CSMD1: variants seen among roughly 807,000 people sequenced by gnomAD.
The protein encoded by CSMD1 is CUB and Sushi multiple domains 1.
Under a neutral mutation model 417.5 loss-of-function variants are expected in CSMD1, and 213 were observed. That is an observed-to-expected ratio of 0.51 (90% CI 0.46 to 0.57). The LOEUF (loss-of-function observed/expected upper bound fraction) is 0.57, where lower values mean the gene tolerates loss of function less well. Among genes scored for constraint, CSMD1 ranks in the 20% least tolerant of loss-of-function variants. The probability of loss-of-function intolerance (pLI) is 0.00; values close to 1 mark genes in which losing one functional copy is unlikely to be tolerated. For synonymous variants in CSMD1, 2,862 were observed against 1,736.8 expected, an observed-to-expected ratio of 1.65 and a Z score of -16.11; for missense variants, 6,923 against 4,529.7, an observed-to-expected ratio of 1.53 and a Z score of -15.17.
chr8:4,073,267 C>A (rs1036234164), intron 3 of CSMD1, among the ~76,000 whole-genome samples: 39 of 151,812 alleles, frequency 2.6e-4, no homozygotes, highest in African/African-American at 9.2e-4. Context: ...AAAAATAGGC[C>A]AAAATTAGAG....
intron 5 of CSMD1, among the ~76,000 whole-genome samples, chr8:3,796,822 A>T (rs1287056478): frequency 6.6e-6 from 1 of 151,482 alleles, no homozygotes; most frequent in African/African-American, 2.4e-5. Context: ...TCAACATAAG[A>T]GATAAGCTTA....
At chr8:4,065,494 C>A (rs1044368478) in intron 3 of CSMD1, among the ~76,000 whole-genome samples, 1 of 152,162 alleles carries the variant, frequency 6.6e-6, no homozygotes, top group African/African-American at 2.4e-5. Flanking sequence ...ATACAAAGGT[C>A]ATGACACTGA....
chr8:3,141,844 C>T (rs1035496581), intron 41 of CSMD1, among the ~76,000 whole-genome samples: 1 of 150,128 alleles, frequency 6.7e-6, no homozygotes, highest in South Asian at 2.1e-4. Flanking sequence ...GTCGCCCAGG[C>T]TGGAGTGCAG....
chr8:3,137,822 A>C lies in CSMD1; in HGVS notation c.6241+4643T>G, dbSNP rs550975727. Among the ~76,000 whole-genome samples the C allele has an allele frequency of 1.7e-4, 26 of 152,346 alleles. 1 individual carries two copies. In the South Asian group the frequency reaches 5.2e-3, roughly 30 times the overall value. ...ATTCTGATCTCTAGTGCTTGAATCCACACATGCAGAACTCATGGATGCAGA... is the reference window on the plus strand; with the variant it reads ...ATTCTGATCTCTAGTGCTTGAATCCCCACATGCAGAACTCATGGATGCAGA... On this transcript the variant is annotated intron_variant, in intron 41 of 69. Transcript: ENST00000635120.
At chr8:3,142,855 T>A (rs1014473511) in intron 40 of CSMD1, among the ~76,000 whole-genome samples, 181 bp from the exon 41 acceptor site, 1 of 152,230 alleles carries the variant, frequency 6.6e-6, no homozygotes, top group African/African-American at 2.4e-5. Context: ...ATCTTACCTC[T>A]GCCACTTTTT....
intron 2 of CSMD1, among the ~76,000 whole-genome samples, chr8:4,578,542 T>C (rs1799249579): frequency 6.6e-6 from 1 of 151,460 alleles, no homozygotes; most frequent in Non-Finnish European, 1.5e-5. Flanking sequence ...TTTGGCTGGG[T>C]GCAATGCTTC....
chr8:3,032,061 A>G (rs1810377469), intron 50 of CSMD1, among the ~76,000 whole-genome samples: 1 of 151,696 alleles, frequency 6.6e-6, no homozygotes, highest in African/African-American at 2.4e-5. Flanking sequence ...CCACAACAAA[A>G]GAAAGAGAGG....
intron 3 of CSMD1, among the ~76,000 whole-genome samples, chr8:4,234,060 C>G (rs1801900328): frequency 6.6e-6 from 1 of 152,114 alleles, no homozygotes; most frequent in Non-Finnish European, 1.5e-5. Context: ...ACAGATAAGT[C>G]AACCATTAAC....
chr8:3,595,208 A>T (rs1801035168), intron 8 of CSMD1, among the ~76,000 whole-genome samples: 1 of 152,178 alleles, frequency 6.6e-6, no homozygotes, highest in African/African-American at 2.4e-5. Flanking sequence ...AAGCAAGACC[A>T]GGAAGGCTGG....
intron 2 of CSMD1, among the ~76,000 whole-genome samples, chr8:4,569,260 G>C (rs1204648068): frequency 6.6e-6 from 1 of 152,056 alleles, no homozygotes; most frequent in Non-Finnish European, 1.5e-5. Flanking sequence ...TTTCTTCTAG[G>C]GTTTTTATGG....
chr8:3,786,277 T>G (rs928943091), intron 5 of CSMD1, among the ~76,000 whole-genome samples: 2 of 151,986 alleles, frequency 1.3e-5, no homozygotes, highest in East Asian at 3.9e-4. Context: ...TACATGGGCA[T>G]GGAGGTTAGA....
At chr8:4,395,410 A>C (rs539641111) in intron 3 of CSMD1, among the ~76,000 whole-genome samples, 2 of 151,390 alleles carry the variant, frequency 1.3e-5, no homozygotes, top group Admixed American at 1.3e-4. Context: ...CAGAAGCGCT[A>C]AAGAATCATA....
intron 26 of CSMD1, among the ~76,000 whole-genome samples, chr8:3,263,005 G>C (rs191029132): frequency 1.1e-4 from 16 of 152,230 alleles, no homozygotes; most frequent in African/African-American, 3.4e-4. Flanking sequence ...TATTAAGCTA[G>C]GCAATAAATC....
At chr8:4,740,563 C>G (rs1162240573) in intron 1 of CSMD1, among the ~76,000 whole-genome samples, 2 of 152,196 alleles carry the variant, frequency 1.3e-5, no homozygotes, top group East Asian at 3.9e-4. Context: ...TATTTTAAAT[C>G]ATTTTTTATT....
At chr8:4,362,962 C>G (rs936138866) in intron 3 of CSMD1, among the ~76,000 whole-genome samples, 3 of 152,080 alleles carry the variant, frequency 2.0e-5, no homozygotes, top group Non-Finnish European at 4.4e-5. Flanking sequence ...AGCCAAATAT[C>G]TAAAAACTGC....
chr8:3,213,076 G>A (rs372685601), intron 30 of CSMD1, among the ~76,000 whole-genome samples: 13 of 151,638 alleles, frequency 8.6e-5, no homozygotes, highest in African/African-American at 1.2e-4. Context: ...ATCCACCCAC[G>A]TCAGCCTCCC....
chr8:3,008,849 C>T (rs1349778718), intron 52 of CSMD1, among the ~76,000 whole-genome samples: 1 of 152,158 alleles, frequency 6.6e-6, no homozygotes, highest in African/African-American at 2.4e-5. Flanking sequence ...GGTGGACCCT[C>T]AAAGAGACCT....
chr8:4,308,686 GC>G, intron 3 of CSMD1, among the ~76,000 whole-genome samples: 1 of 152,296 alleles, frequency 6.6e-6, no homozygotes, highest in South Asian at 2.1e-4. Flanking sequence ...ATATCTGGGT[GC>G]TTTTGGAGTT....
chr8:3,921,659 G>A (rs183315454), intron 5 of CSMD1, among the ~76,000 whole-genome samples: 11 of 152,006 alleles, frequency 7.2e-5, no homozygotes, highest in Admixed American at 5.3e-4. Context: ...TAGTTGTTCA[G>A]GCGTATGTTG....
Sources: gnomAD v4.1 joint callset for allele counts (sites outside exome capture counted in the v4.1 genomes callset) on GRCh38, gnomAD v4.1.1 for gene constraint, MANE v1.5 for transcripts, NCBI Gene and HGNC (gene_info 2026-07-23, HGNC 2026-07-21) for gene names.